Variants in PATL2 observed in about 807,000 individuals in gnomAD.
PATL2 encodes PAT1 homolog 2, also known as protein PAT1 homolog 2.
A neutral mutation model predicts 77.0 loss-of-function variants in PATL2; 73 were observed. That is an observed-to-expected ratio of 0.95 (90% CI 0.78 to 1.15). The LOEUF (loss-of-function observed/expected upper bound fraction) is 1.15. Among genes scored for constraint, PATL2 ranks in the 50% most tolerant of loss-of-function variants. The pLI is 0.00. For synonymous variants in PATL2, 265 were observed against 257.1 expected, an observed-to-expected ratio of 1.03 and a Z score of -0.29; for missense variants, 618 against 655.4, an observed-to-expected ratio of 0.94 and a Z score of 0.62.
Position 44,667,162 on chromosome 15 carries a change from C to T in PATL2, c.1407G>A (p.Glu469=). 6.4e-7 allele frequency: 1 copy of T among 1,551,690 alleles called. No individual in the cohort carries two copies. Among genetic ancestry groups the T allele is most frequent in the East Asian group, 2.4e-5 (1 of 40,922 alleles). ...GGGAAGAATGCAGCGATACCAGTTG[C>T]TCCCCATGGCTCAGCAGGGCATAGA... is the stretch of plus-strand genomic sequence containing the variant. ...SLLYALLSHG[E]QLVSLHSSLE... is the part of the protein sequence containing the mutation. Residue 469 remains glutamate (E), a synonymous_variant, in exon 16 of 18, where the codon GAG becomes GAA. Transcript: ENST00000682850.
chr15:44,669,347 C>T lies in PATL2; in HGVS notation c.997G>A (p.Glu333Lys). 6.4e-7 allele frequency: 1 copy of T among 1,551,646 alleles called. No individual in the cohort carries two copies. The highest frequency in any genetic ancestry group is 8.7e-7 in the Non-Finnish European group (1 of 1,146,968). The change falls in exon 13 of 18, where the codon GAG becomes AAG. Residue 333 changes from glutamate to lysine, a missense_variant. Physicochemically the swap from Glu to Lys is moderately conservative, Grantham distance 56 (BLOSUM62 1). Transcript: ENST00000682850. ...KYRPPPPCFS[E>K]QQSNQVEKLF... ...TTCTCAACCTGGTTGCTTTGCTGCT[C>T]AGAAAAGCAGGGCGGTGGAGGCCTA...
At chr15:44,676,686 G>A in intron 3 of PATL2, 121 bp from the exon 4 acceptor site, 1 of 1,210,414 alleles carries the variant, frequency 8.3e-7, no homozygotes, top group Non-Finnish European at 1.1e-6. Flanking sequence ...ATGGTCTTGA[G>A]GAGAGAGACC....
chr15:44,666,499 C>T lies in PATL2; in HGVS notation c.1506G>A (p.Met502Ile). 1 of 1,551,502 alleles carries T rather than the reference C, an allele frequency of 6.4e-7. No individual in the cohort carries two copies. Among genetic ancestry groups the T allele is most frequent in the Non-Finnish European group, 8.7e-7 (1 of 1,146,908 alleles). ...VVLIAWEIAQ[M>I]PTASLAEPLA... is the part of the protein sequence containing the mutation. ...GGGGTTCTGCCAGAGAGGCTGTAGG[C>T]ATTTGGGCTATCTCCCAGGCAATCA... The change falls in exon 17 of 18, where the codon ATG becomes ATA. Residue 502 changes from methionine (M) to isoleucine (I), a missense_variant. Met to Ile is a conservative substitution (Grantham distance 10, BLOSUM62 1). Coordinates refer to ENST00000682850, the MANE Select transcript of PATL2 (RefSeq NM_001387263.1).
At chr15:44,667,867 C>A (rs1312390542) in intron 15 of PATL2, among the ~76,000 whole-genome samples, 1 of 152,116 alleles carries the variant, frequency 6.6e-6, no homozygotes, top group African/African-American at 2.4e-5. Context: ...GGCGTGAACC[C>A]AGGAGGCAGA....
Position 44,672,080 on chromosome 15 carries a change from C to T in PATL2, c.592G>A (p.Val198Met), listed in dbSNP as rs903844980. 2 of 1,551,608 alleles carry T rather than the reference C, an allele frequency of 1.3e-6. No individual in the cohort carries two copies. The highest frequency in any genetic ancestry group is 2.7e-5 in the African/African-American group (2 of 73,048). Residue 198 changes from valine to methionine, a missense_variant, in exon 9 of 18, where the codon GTG becomes ATG. Transcript: ENST00000682850. ...NLMTRKEKDW[V>M]IKVQMVQLQS... ...AGCTGCACCATCTGCACTTTTATCA[C>T]CCAGTCCTTCTCTTTTCTGGTCATG...
At chr15:44,698,083 A>T (rs987044275) in intron 3 of PATL2, among the ~76,000 whole-genome samples, 2 of 51,256 alleles carry the variant, frequency 3.9e-5, no homozygotes, top group African/African-American at 1.5e-4. Context: ...CTGTCTTTAA[A>T]TTTTTTTAAT....
chr15:44,672,572 G>A lies in PATL2; in HGVS notation c.447-116C>T, dbSNP rs529959878. On this transcript the variant is annotated intron_variant, in intron 7 of 17. Coordinates refer to ENST00000682850, the MANE Select transcript of PATL2 (RefSeq NM_001387263.1). ...CATCTAAGGAACCTTATCTGTTTAG[G>A]TACTTTCCCAAAGTCAGCCACATGG... 15 of 1,046,326 alleles carry A rather than the reference G, an allele frequency of 1.4e-5. No individual in the cohort carries two copies. In the East Asian group the frequency reaches 1.9e-4, roughly 13 times the overall value. The allele number at this position is 1,046,326 out of a possible 1,614,324, so 64.8% of individuals were successfully genotyped here. A position where few individuals can be genotyped will look rare whatever the true frequency, so the allele number is the denominator to read the frequency against.
intron 3 of PATL2, among the ~76,000 whole-genome samples, chr15:44,691,676 T>A (rs970548361): frequency 3.3e-5 from 5 of 149,700 alleles, no homozygotes; most frequent in Admixed American, 6.7e-5. Context: ...AAAAAAAAAA[T>A]TAAATTAAAT....
At chr15:44,676,329 A>C in intron 4 of PATL2, 146 bp downstream of exon 4, 6 of 755,410 alleles carry the variant, frequency 7.9e-6, no homozygotes, top group Non-Finnish European at 1.4e-5. Context: ...GTGACCTTTC[A>C]GTCACCCATT....
intron 3 of PATL2, among the ~76,000 whole-genome samples, chr15:44,698,139 GTA>G (rs1189902444): frequency 3.3e-5 from 5 of 150,274 alleles, no homozygotes; most frequent in Admixed American, 6.6e-5. Context: ...GGGTGTGTGT[GTA>G]TATATATATA....
Position 44,667,156 on chromosome 15 carries a change from C to T in PATL2, c.1413G>A (p.Leu471=), listed in dbSNP as rs1314713233. ...LYALLSHGEQ[L]VSLHSSLEEP... is the part of the protein sequence containing the mutation. ...CCTCTAGGGAAGAATGCAGCGATAC[C>T]AGTTGCTCCCCATGGCTCAGCAGGG... Residue 471 remains leucine (L), a synonymous_variant, in exon 16 of 18, where the codon CTG becomes CTA. Transcript: ENST00000682850. The T allele has an allele frequency of 9.7e-6, 15 of 1,551,512 alleles. No homozygotes were observed. The Admixed American group carries it at 2.7e-4, about 28-fold the overall frequency.
At chr15:44,700,839 TG>T (rs1246029995) in intron 3 of PATL2, among the ~76,000 whole-genome samples, 1 of 152,214 alleles carries the variant, frequency 6.6e-6, no homozygotes, top group African/African-American at 2.4e-5. Context: ...ATCTTTGTCA[TG>T]TTCCAGATCT....
chr15:44,706,390 A>G (rs1402168586), intron 3 of PATL2, among the ~76,000 whole-genome samples: 1 of 152,214 alleles, frequency 6.6e-6, no homozygotes, highest in Non-Finnish European at 1.5e-5. Flanking sequence ...CAAGCACAGA[A>G]ATGCTGTGGC....
chr15:44,669,706 T>C, intron 11 of PATL2, 71 bp downstream of exon 11: 1 of 1,524,950 alleles, frequency 6.6e-7, no homozygotes, highest in Non-Finnish European at 8.9e-7. Flanking sequence ...GTCACAGTCT[T>C]AAACACAAGA....
intron 3 of PATL2, chr15:44,676,864 A>G: frequency 9.1e-7 from 1 of 1,096,888 alleles, no homozygotes; most frequent in Non-Finnish European, 1.1e-6. Flanking sequence ...GCCGACACCC[A>G]CCACCTGACT....
chr15:44,673,195 G>A (rs1249487471), intron 7 of PATL2, 40 bp downstream of exon 7: 3 of 1,546,228 alleles, frequency 1.9e-6, no homozygotes, highest in East Asian at 4.9e-5. Flanking sequence ...TCCTCAGCCA[G>A]CACCTCCTGA....
chr15:44,703,853 A>G (rs1414477085), intron 3 of PATL2, among the ~76,000 whole-genome samples: 3 of 139,652 alleles, frequency 2.1e-5, no homozygotes, highest in South Asian at 2.3e-4. Flanking sequence ...CCATTTTGTT[A>G]TTTGTTTTCT....
chr15:44,689,534 A>G (rs77345253), intron 3 of PATL2, among the ~76,000 whole-genome samples: 1 of 152,242 alleles, frequency 6.6e-6, no homozygotes, highest in Non-Finnish European at 1.5e-5. Context: ...TGCAGCCATG[A>G]AAAAGGATGA....
At chr15:44,675,817 C>T (rs760883405) in intron 4 of PATL2, 126 bp from the exon 5 acceptor site, 136 of 803,092 alleles carry the variant, frequency 1.7e-4, no homozygotes, top group Middle Eastern at 3.6e-4. Context: ...TTGAACATAA[C>T]GCCTCCTGTT....
Sources: gnomAD v4.1 joint callset for allele counts (sites outside exome capture counted in the v4.1 genomes callset) on GRCh38, gnomAD v4.1.1 for gene constraint, MANE v1.5 for transcripts, NCBI Gene and HGNC (gene_info 2026-07-23, HGNC 2026-07-21) for gene names.